Variants in HS6ST2 observed in about 807,000 individuals in gnomAD.
The protein encoded by HS6ST2 is heparan sulfate 6-O-sulfotransferase 2.
In HS6ST2, 17 loss-of-function variants were observed where a neutral mutation model predicts 33.0. The ratio of observed to expected loss-of-function variants is 0.52; its 90% CI spans 0.35 to 0.77. The LOEUF is 0.77. Among genes scored for constraint, HS6ST2 ranks in the 30% least tolerant of loss-of-function variants. The pLI is 0.01. For synonymous variants in HS6ST2, 248 were observed against 237.1 expected (o/e 1.05, Z -0.42); for missense variants, 519 against 551.7 (o/e 0.94, Z 0.59).
In HS6ST2 at chrX:132,956,848, C is replaced by A. The variant is rs1277434344; in HGVS notation, c.907G>T (p.Val303Leu). Residue 303 changes from valine (V) to leucine (L), a missense_variant, in exon 2 of 5, where the codon GTG (valine) becomes TTG (leucine). Transcript: ENST00000370833. ...CTGGCGTCGCGCTTGCCGTCCACCA[C>A]GGAGGGCACACAGCTGGTGAGCTCG... ...WTELTSCVPS[V>L]VDGKRDARLR... The A allele has an allele frequency of 8.5e-7, 1 of 1,182,838 alleles. No homozygotes were observed. The highest frequency in any genetic ancestry group is 3.1e-5 in the East Asian group (1 of 32,008).
At position 132,832,490 on chromosome X, in the gene HS6ST2, A is replaced by G. The variant is rs759263400; in HGVS notation, c.948-123996T>C. Among the ~76,000 whole-genome samples the G allele has an allele frequency of 1.2e-4, 13 of 112,126 alleles. 1 individual carries two copies. Among genetic ancestry groups the G allele is most frequent in the Admixed American group, 8.5e-4 (9 of 10,552 alleles). On this transcript the variant is annotated intron_variant, in intron 2 of 4. Coordinates refer to ENST00000370833, the MANE Select transcript of HS6ST2 (RefSeq NM_001394073.1). ...CAGAGTACACGGGGCCACATACTCT[A>G]TGCTACATTTTCATCTAGTTTAAAA...
At chrX:132,691,234 G>C (rs2064061350) in intron 3 of HS6ST2, among the ~76,000 whole-genome samples, 1 of 111,828 alleles carries the variant, frequency 8.9e-6, no homozygotes, top group Non-Finnish European at 1.9e-5. Context: ...CTTGCAAAAT[G>C]GAAAGGTTTG....
intron 4 of HS6ST2, among the ~76,000 whole-genome samples, chrX:132,658,613 A>G (rs1252187890): frequency 8.9e-6 from 1 of 111,849 alleles, no homozygotes; most frequent in African/African-American, 3.3e-5. Context: ...ACCACTTACT[A>G]TCTATGTGGC....
intron 2 of HS6ST2, among the ~76,000 whole-genome samples, chrX:132,789,538 C>T (rs940286602): frequency 5.4e-5 from 6 of 111,750 alleles, no homozygotes; most frequent in East Asian, 2.8e-4. Flanking sequence ...CTTCAGTTGA[C>T]GGATCAAGGA....
At chrX:132,834,259 CAT>C (rs749095146) in intron 2 of HS6ST2, among the ~76,000 whole-genome samples, 3 of 112,095 alleles carry the variant, frequency 2.7e-5, no homozygotes, top group East Asian at 5.6e-4. Context: ...TACTTCCTCA[CAT>C]ATAAGCACTC....
At chrX:132,671,447 T>TA (rs374989032) in intron 3 of HS6ST2, among the ~76,000 whole-genome samples, 1 of 66,606 alleles carries the variant, frequency 1.5e-5, no homozygotes, top group East Asian at 5.7e-4. Context: ...ATTCATTCAC[T>TA]TTTTTTTTTT....
At chrX:132,800,092 C>T (rs1034063210) in intron 2 of HS6ST2, among the ~76,000 whole-genome samples, 10 of 111,828 alleles carry the variant, frequency 8.9e-5, no homozygotes, top group East Asian at 2.8e-4. Context: ...GGCCATGGAC[C>T]GGGTCACACA....
At chrX:132,750,394 G>A (rs1353753256) in intron 2 of HS6ST2, among the ~76,000 whole-genome samples, 1 of 107,097 alleles carries the variant, frequency 9.3e-6, no homozygotes, top group African/African-American at 3.4e-5. Context: ...CTGCAAAGGC[G>A]ACTTTGCTGG....
chrX:132,833,164 G>A (rs1361804329), intron 2 of HS6ST2, among the ~76,000 whole-genome samples: 1 of 111,423 alleles, frequency 9.0e-6, no homozygotes, highest in African/African-American at 3.3e-5. Context: ...AGTTTATCAA[G>A]TAGATTTACG....
At chrX:132,844,357 A>G (rs1219543772) in intron 2 of HS6ST2, among the ~76,000 whole-genome samples, 1 of 111,941 alleles carries the variant, frequency 8.9e-6, no homozygotes, top group East Asian at 2.8e-4. Context: ...GATAGCCATG[A>G]TCCTCCTGTA....
intron 2 of HS6ST2, among the ~76,000 whole-genome samples, chrX:132,787,185 ATACAT>A (rs2065073144): frequency 1.3e-5 from 1 of 77,972 alleles, no homozygotes; most frequent in African/African-American, 6.2e-5. Flanking sequence ...ATATATATAT[ATACAT>A]ATATATATAC....
intron 2 of HS6ST2, chrX:132,758,416 T>G (rs183214278): frequency 8.0e-5 from 9 of 112,004 alleles, no homozygotes; most frequent in African/African-American, 2.6e-4. Flanking sequence ...TATATTTCCT[T>G]CTGGAATTCA....
At position 132,855,951 on chromosome X, in the gene HS6ST2, G is replaced by A. The variant is rs780556143; in HGVS notation, c.947+100857C>T. Among the ~76,000 whole-genome samples the A allele has an allele frequency of 2.7e-5, 3 of 110,714 alleles. No homozygotes were observed. The South Asian group carries it at 1.2e-3, about 43-fold the overall frequency. On this transcript the variant is annotated intron_variant, in intron 2 of 4. Coordinates refer to ENST00000370833, the MANE Select transcript of HS6ST2 (RefSeq NM_001394073.1). ...TGGAAACAACAACCAAAGGCAGGCC[G>A]TTTTTTGAGTTACTGTGTACATTTA...
chrX:132,856,110 A>G (rs1352278485), intron 2 of HS6ST2, among the ~76,000 whole-genome samples: 1 of 111,694 alleles, frequency 9.0e-6, no homozygotes, highest in African/African-American at 3.3e-5. Context: ...TGCTCAGACA[A>G]TATATTAATA....
chrX:132,777,961 A>T lies in HS6ST2; in HGVS notation c.948-69467T>A, dbSNP rs184742311. ...TGTCTGAACAGAATATAGACAATTA[A>T]TTCACTCATTCAGCAGACTTTGAAT... On this transcript the variant is annotated intron_variant, in intron 2 of 4. Transcript: ENST00000370833. Among the ~76,000 whole-genome samples the T allele has an allele frequency of 2.4e-4, 27 of 111,983 alleles. No homozygotes were observed. The East Asian group carries it at 4.5e-3, about 19-fold the overall frequency.
chrX:132,875,854 C>T (rs577863396), intron 2 of HS6ST2, among the ~76,000 whole-genome samples: 1 of 110,780 alleles, frequency 9.0e-6, no homozygotes, highest in South Asian at 3.9e-4. Context: ...TGAAGGGACA[C>T]ACTTGGTTCT....
At chrX:132,932,533 G>A (rs1365268470) in intron 2 of HS6ST2, among the ~76,000 whole-genome samples, 1 of 111,195 alleles carries the variant, frequency 9.0e-6, no homozygotes, top group Non-Finnish European at 1.9e-5. Context: ...CCCAGTGAAG[G>A]TGGAGGAGAA....
At chrX:132,911,362 T>C (rs892731478) in intron 2 of HS6ST2, among the ~76,000 whole-genome samples, 9 of 111,021 alleles carry the variant, frequency 8.1e-5, no homozygotes, top group African/African-American at 2.6e-4. Flanking sequence ...CTGCTAACTC[T>C]TGAATTAGAT....
intron 2 of HS6ST2, among the ~76,000 whole-genome samples, chrX:132,946,648 A>G (rs1032319886): frequency 4.5e-5 from 5 of 111,721 alleles, no homozygotes; most frequent in African/African-American, 1.6e-4. Flanking sequence ...GGATAGCATT[A>G]GGAGATGTAC....
Sources: allele counts gnomAD v4.1 joint callset (sites outside exome capture counted in the v4.1 genomes callset), GRCh38; gene constraint gnomAD v4.1.1; transcripts MANE v1.5; gene names NCBI Gene and HGNC (gene_info 2026-07-23, HGNC 2026-07-21).